Variants in SCHIP1 observed in about 807,000 individuals in gnomAD.
SCHIP1 encodes the protein schwannomin-interacting protein 1.
Under a neutral mutation model 29.7 loss-of-function variants are expected in SCHIP1, and 8 were observed. The observed-to-expected ratio is 0.27, with a 90% confidence interval of 0.16 to 0.49. SCHIP1 has a LOEUF of 0.49. Ranked by LOEUF, SCHIP1 falls within the 20% of genes least tolerant of loss-of-function variation. The pLI, the probability that SCHIP1 is intolerant of heterozygous loss-of-function variation, is 0.99. For synonymous variants in SCHIP1, 76 were observed against 94.9 expected (o/e 0.80, Z 1.16); for missense variants, 193 against 294.6 (o/e 0.66, Z 2.52).
the SCHIP1 span, among the ~76,000 whole-genome samples, chr3:159,588,521 A>G: frequency 1.3e-5 from 2 of 152,162 alleles, no homozygotes; most frequent in Non-Finnish European, 2.9e-5. Flanking sequence ...TTGCTGTTTT[A>G]GACATGAAGT....
chr3:159,635,923 CTTGTACTTTGTTAGTTT>C, the SCHIP1 span, among the ~76,000 whole-genome samples: 1 of 150,960 alleles, frequency 6.6e-6, no homozygotes, highest in Non-Finnish European at 1.5e-5. Context: ...AAGTATACGC[CTTGTACTTTGTTAGTTT>C]TGTAGGCAGG....
At chr3:159,290,961 G>A in the SCHIP1 span, among the ~76,000 whole-genome samples, 2 of 152,056 alleles carry the variant, frequency 1.3e-5, no homozygotes, top group South Asian at 2.1e-4. Context: ...TTTATAAAAT[G>A]TATATTCTTA....
chr3:159,378,690 A>G, the SCHIP1 span, among the ~76,000 whole-genome samples: 1 of 152,182 alleles, frequency 6.6e-6, no homozygotes, highest in African/African-American at 2.4e-5. Flanking sequence ...GCAGAAAAGC[A>G]AGTAACTGAA....
the SCHIP1 span, among the ~76,000 whole-genome samples, chr3:159,736,969 C>T: frequency 3.3e-5 from 5 of 152,172 alleles, no homozygotes; most frequent in Non-Finnish European, 7.3e-5. Context: ...CTCCTGACCT[C>T]ATGATCCGCC....
At chr3:159,478,828 TG>T in the SCHIP1 span, among the ~76,000 whole-genome samples, 4 of 152,260 alleles carry the variant, frequency 2.6e-5, no homozygotes, top group Admixed American at 2.0e-4. Context: ...CTATTGTAAA[TG>T]GGATGGTGTT....
upstream of SCHIP1, among the ~76,000 whole-genome samples, chr3:159,836,237 C>T (rs1182962507): frequency 7.9e-5 from 12 of 152,090 alleles, no homozygotes; most frequent in Admixed American, 7.2e-4. Context: ...CTGAGAAGTC[C>T]AAGATTAAGG....
chr3:159,592,477 T>A, the SCHIP1 span, among the ~76,000 whole-genome samples: 6 of 151,952 alleles, frequency 3.9e-5, no homozygotes, highest in African/African-American at 1.4e-4. Context: ...GTCCTTACAA[T>A]CTCTACCATG....
chr3:159,617,616 C>T, the SCHIP1 span, among the ~76,000 whole-genome samples: 5 of 152,232 alleles, frequency 3.3e-5, no homozygotes, highest in South Asian at 1.0e-3. Flanking sequence ...AGTCAAGTTC[C>T]AGCCCTGACC....
At chr3:159,689,946 G>T in the SCHIP1 span, among the ~76,000 whole-genome samples, 1 of 152,278 alleles carries the variant, frequency 6.6e-6, no homozygotes, top group African/African-American at 2.4e-5. Context: ...TGGGGATGAA[G>T]CCCACTTGAT....
the SCHIP1 span, among the ~76,000 whole-genome samples, chr3:159,566,916 C>T: frequency 2.6e-5 from 4 of 152,206 alleles, no homozygotes; most frequent in African/African-American, 9.7e-5. Flanking sequence ...TGCCAAATTG[C>T]TCTTAAGTGT....
At chr3:159,878,126 T>C (rs1716028995) in intron 2 of SCHIP1, among the ~76,000 whole-genome samples, 1 of 152,212 alleles carries the variant, frequency 6.6e-6, no homozygotes, top group Non-Finnish European at 1.5e-5. Flanking sequence ...GCTCACCTTT[T>C]CTCCAACACA....
At chr3:159,672,171 CTATT>C in the SCHIP1 span, among the ~76,000 whole-genome samples, 7 of 152,308 alleles carry the variant, frequency 4.6e-5, no homozygotes, top group South Asian at 2.1e-4. Flanking sequence ...TTTTCTGAAT[CTATT>C]TATTATCTAC....
the SCHIP1 span, among the ~76,000 whole-genome samples, chr3:159,333,341 T>C: frequency 2.0e-5 from 3 of 152,150 alleles, no homozygotes; most frequent in African/African-American, 7.2e-5. Context: ...ACAAAATAAA[T>C]GTGAGACACT....
chr3:159,812,189 T>C, the SCHIP1 span, among the ~76,000 whole-genome samples: 442 of 152,232 alleles, frequency 2.9e-3, no homozygotes, highest in African/African-American at 1.0e-2. Flanking sequence ...CAGGCTGGTC[T>C]CGAACTACTG....
chr3:159,617,583 A>C, the SCHIP1 span, among the ~76,000 whole-genome samples: 1 of 152,162 alleles, frequency 6.6e-6, no homozygotes, highest in Non-Finnish European at 1.5e-5. Context: ...TTTTATCTGC[A>C]TAATAAAACA....
chr3:159,397,259 G>C, the SCHIP1 span, among the ~76,000 whole-genome samples: 4 of 152,042 alleles, frequency 2.6e-5, no homozygotes, highest in Non-Finnish European at 5.9e-5. Context: ...CTTTGCCTTT[G>C]GTTTGAATGT....
chr3:159,595,291 T>C, the SCHIP1 span, among the ~76,000 whole-genome samples: 4 of 152,158 alleles, frequency 2.6e-5, no homozygotes, highest in African/African-American at 4.8e-5. Context: ...CAGGAGGGCC[T>C]ATTTAACTGT....
chr3:159,332,405 CTCCCAAG>C, the SCHIP1 span, among the ~76,000 whole-genome samples: 2 of 152,306 alleles, frequency 1.3e-5, no homozygotes, highest in East Asian at 3.9e-4. Context: ...TCAAATCCGT[CTCCCAAG>C]TCCATATTCT....
At chr3:159,782,933 C>T in the SCHIP1 span, among the ~76,000 whole-genome samples, 2 of 152,162 alleles carry the variant, frequency 1.3e-5, no homozygotes, top group African/African-American at 4.8e-5. Flanking sequence ...TCACATCTAG[C>T]GATAGCTTCA....
Sources: gnomAD v4.1 joint callset for allele counts (sites outside exome capture counted in the v4.1 genomes callset) on GRCh38, gnomAD v4.1.1 for gene constraint, MANE v1.5 for transcripts, NCBI Gene and HGNC (gene_info 2026-07-23, HGNC 2026-07-21) for gene names.